PRRX2: variants seen among roughly 807,000 people sequenced by gnomAD.
The protein encoded by PRRX2 is paired related homeobox 2.
Under a neutral mutation model 18.0 loss-of-function variants are expected in PRRX2, and 11 were observed. The ratio of observed to expected loss-of-function variants is 0.61; its 90% CI spans 0.39 to 1.01. PRRX2 has a LOEUF of 1.01. Ranked by LOEUF, PRRX2 falls within the 50% of genes least tolerant of loss-of-function variation. The probability of loss-of-function intolerance (pLI) is 0.01; values close to 1 mark genes in which losing one functional copy is unlikely to be tolerated. For missense variants in PRRX2, 387 were observed against 351.0 expected, an observed-to-expected ratio of 1.10 and a Z score of -0.82; for synonymous variants, 177 against 154.8, an observed-to-expected ratio of 1.14 and a Z score of -1.06.
At chr9:129,668,393 G>A (rs1832054524) in intron 1 of PRRX2, among the ~76,000 whole-genome samples, 1 of 152,170 alleles carries the variant, frequency 6.6e-6, no homozygotes, top group Admixed American at 6.5e-5. Flanking sequence ...TCCAGTCCTG[G>A]ACATACAGGA....
chr9:129,666,318 C>T (rs548200515), intron 1 of PRRX2, among the ~76,000 whole-genome samples, 192 bp downstream of exon 1: 14 of 152,240 alleles, frequency 9.2e-5, no homozygotes, highest in Non-Finnish European at 1.0e-4. Flanking sequence ...GAGGGGGACC[C>T]TCTTCGGGTC....
intron 1 of PRRX2, among the ~76,000 whole-genome samples, chr9:129,672,290 G>A (rs1361683788): frequency 2.0e-5 from 3 of 152,196 alleles, no homozygotes; most frequent in African/African-American, 7.2e-5. Context: ...AGAGTGACCG[G>A]GAAGCCTCGT....
Position 129,715,141 on chromosome 9 carries a change from C to A in PRRX2, c.260-4090C>A, listed in dbSNP as rs1832687772. 6.6e-6 allele frequency among the ~76,000 whole-genome samples: 1 copy of A among 152,174 alleles called. No homozygotes were observed. The highest frequency in any genetic ancestry group is 1.5e-5 in the Non-Finnish European group (1 of 68,046). Reference sequence around the variant, plus strand: ...GCTCCCTCCCCACTGCCCCCACAGCCCCCGCCTGGTCCCGTATGTTTGCAA... The same window carrying A: ...GCTCCCTCCCCACTGCCCCCACAGCACCCGCCTGGTCCCGTATGTTTGCAA... On this transcript the variant is annotated intron_variant, in intron 1 of 3. Transcript: ENST00000372469. This position sits in a 1 kb window ranked among gnomAD's most constrained non-coding sequence, Gnocchi z 4.0.
chr9:129,670,460 C>T (rs1385284207), intron 1 of PRRX2, among the ~76,000 whole-genome samples: 1 of 152,076 alleles, frequency 6.6e-6, no homozygotes, highest in Non-Finnish European at 1.5e-5. Flanking sequence ...CTGCAACCTC[C>T]GCCTCCTGGG....
chr9:129,679,074 G>T (rs550765630), intron 1 of PRRX2, among the ~76,000 whole-genome samples: 12 of 152,338 alleles, frequency 7.9e-5, no homozygotes, highest in Admixed American at 6.5e-4. Context: ...CCACGTGCAG[G>T]ACGGCAGCAC....
At chr9:129,676,382 G>A in intron 1 of PRRX2, among the ~76,000 whole-genome samples, 1 of 152,202 alleles carries the variant, frequency 6.6e-6, no homozygotes. Context: ...TTGCAGGGAG[G>A]TTTTATGGAT....
At chr9:129,719,863 T>G (rs1832766423) in intron 2 of PRRX2, among the ~76,000 whole-genome samples, 3 of 152,132 alleles carry the variant, frequency 2.0e-5, no homozygotes, top group African/African-American at 7.2e-5. Flanking sequence ...GGCGCGCGCC[T>G]GTAATCCCAG....
chr9:129,720,082 T>C (rs1275758382), intron 2 of PRRX2, among the ~76,000 whole-genome samples: 1 of 140,382 alleles, frequency 7.1e-6, no homozygotes, highest in Non-Finnish European at 1.5e-5. Context: ...GAAGTCCTTT[T>C]CCAGTTTCAA....
Position 129,719,301 on chromosome 9 carries a change from G to A in PRRX2, c.330G>A (p.Thr110=), listed in dbSNP as rs1393748273. Residue 110 remains threonine (T), a synonymous_variant, in exon 2 of 4, where the codon ACG becomes ACA. Transcript: ENST00000372469. ...RKKKQRRNRT[T]FNSSQLQALE... is the part of the protein sequence containing the mutation. ...AGAAGCAGCGGCGGAACCGCACCAC[G>A]TTCAACAGCAGCCAACTGCAGGCGC... 2 of 1,611,044 alleles carry A rather than the reference G, an allele frequency of 1.2e-6. No homozygotes were observed. Among genetic ancestry groups the A allele is most frequent in the Non-Finnish European group, 8.5e-7 (1 of 1,179,148 alleles).
intron 1 of PRRX2, among the ~76,000 whole-genome samples, chr9:129,670,769 A>G (rs1374134376): frequency 6.6e-6 from 1 of 152,200 alleles, no homozygotes; most frequent in Non-Finnish European, 1.5e-5. Context: ...GAAACAGGGC[A>G]TCATCACAAG....
chr9:129,690,928 C>G (rs902175801), intron 1 of PRRX2, among the ~76,000 whole-genome samples: 11 of 152,074 alleles, frequency 7.2e-5, no homozygotes, highest in African/African-American at 2.2e-4. Flanking sequence ...TTTAGGTGGG[C>G]TGTAAACTAG....
intron 1 of PRRX2, among the ~76,000 whole-genome samples, chr9:129,702,198 A>C (rs34413214): frequency 0.35 from 53,694 of 151,632 alleles, 10,446 homozygotes; most frequent in East Asian, 0.57. Flanking sequence ...GAGATCGAGA[A>C]CATCCTGGCT....
intron 1 of PRRX2, among the ~76,000 whole-genome samples, chr9:129,712,693 A>G (rs1832641707): frequency 6.6e-6 from 1 of 152,126 alleles, no homozygotes; most frequent in Non-Finnish European, 1.5e-5. Flanking sequence ...CTCCTCTGGG[A>G]TCCAGGCCCC....
At chr9:129,717,460 G>GC (rs144756346) in intron 1 of PRRX2, among the ~76,000 whole-genome samples, 152,182 of 152,184 alleles carry the variant, frequency 1, 76,090 homozygotes, top group Non-Finnish European at 1. Flanking sequence ...ACTTTGGGAG[G>GC]CGAGGCGGGC....
chr9:129,678,038 G>A (rs1430314178), intron 1 of PRRX2, among the ~76,000 whole-genome samples: 4 of 142,186 alleles, frequency 2.8e-5, no homozygotes, highest in South Asian at 4.4e-4. Context: ...ATCTCGGCTC[G>A]CTACAACCTC....
chr9:129,720,290 C>T (rs1190711741), intron 2 of PRRX2, among the ~76,000 whole-genome samples: 3 of 152,118 alleles, frequency 2.0e-5, no homozygotes, highest in Non-Finnish European at 2.9e-5. Flanking sequence ...CCCGAGTGCT[C>T]AGCAAGCGCC....
At chr9:129,676,873 A>G (rs1832167451) in intron 1 of PRRX2, among the ~76,000 whole-genome samples, 2 of 152,322 alleles carry the variant, frequency 1.3e-5, no homozygotes, top group South Asian at 4.1e-4. Context: ...GCTAGGGAGA[A>G]AAATCCAGAG....
chr9:129,679,450 C>A (rs1475750828), intron 1 of PRRX2, among the ~76,000 whole-genome samples: 1 of 152,164 alleles, frequency 6.6e-6, no homozygotes, highest in African/African-American at 2.4e-5. Flanking sequence ...CTGCATGGAT[C>A]ATCTCATTAA....
At position 129,719,372 on chromosome 9, in the gene PRRX2, G is replaced by A; in HGVS notation, c.401G>A (p.Arg134His). The change falls in exon 2 of 4, where the codon CGC becomes CAC. Residue 134 changes from arginine (R) to histidine (H), a missense_variant. Arg to His is a conservative substitution (Grantham distance 29). Coordinates refer to ENST00000372469, the MANE Select transcript of PRRX2 (RefSeq NM_016307.4). The stretch of plus-strand genomic sequence containing the variant: ...ACGCACTACCCCGACGCCTTTGTGC[G>A]CGAGGAGCTTGCCCGGCGCGTCAAC... ...ERTHYPDAFVREELARRVNLS... is the reference protein window; with the variant it reads ...ERTHYPDAFVHEELARRVNLS... 2 of 1,564,978 alleles carry A rather than the reference G, an allele frequency of 1.3e-6. No individual in the cohort carries two copies. Among genetic ancestry groups the A allele is most frequent in the Non-Finnish European group, 1.7e-6 (2 of 1,156,016 alleles).
Sources: gnomAD v4.1 joint callset for allele counts (sites outside exome capture counted in the v4.1 genomes callset) on GRCh38, gnomAD v4.1.1 for gene constraint, Gnocchi (gnomAD v3.1) non-coding constraint, MANE v1.5 for transcripts, NCBI Gene and HGNC (gene_info 2026-07-23, HGNC 2026-07-21) for gene names.